Variants in SRGAP3 observed in about 807,000 individuals in gnomAD.
The protein encoded by SRGAP3 is SLIT-ROBO Rho GTPase activating protein 3, also known as SLIT-ROBO Rho GTPase-activating protein 3.
A neutral mutation model predicts 121.1 loss-of-function variants in SRGAP3; 39 were observed. The ratio of observed to expected loss-of-function variants is 0.32; its 90% CI spans 0.25 to 0.42. The LOEUF (loss-of-function observed/expected upper bound fraction) is 0.42, where lower values mean the gene tolerates loss of function less well. Among genes scored for constraint, SRGAP3 ranks in the 10% least tolerant of loss-of-function variants. The pLI is 1.00. For missense variants in SRGAP3, 1,213 were observed against 1,470.6 expected (o/e 0.82, Z 2.86); for synonymous variants, 601 against 570.0 (o/e 1.05, Z -0.77).
At chr3:9,286,687 T>C (rs35529769) in intron 3 of SRGAP3, among the ~76,000 whole-genome samples, 17,615 of 144,774 alleles carry the variant, frequency 0.12, 1,448 homozygotes, top group Non-Finnish European at 0.16. Context: ...ACTACAAGCT[T>C]CGCCTCCCGG....
chr3:9,323,698 T>C (rs751948724), intron 3 of SRGAP3, among the ~76,000 whole-genome samples: 5 of 151,596 alleles, frequency 3.3e-5, no homozygotes, highest in Admixed American at 6.6e-5. Context: ...AAGGTACAGA[T>C]GATAAAAAGT....
chr3:9,098,504 G>A (rs531168320), intron 3 of SRGAP3, among the ~76,000 whole-genome samples: 3 of 152,112 alleles, frequency 2.0e-5, no homozygotes, highest in South Asian at 2.1e-4. Flanking sequence ...GAGCTCAAGC[G>A]ATCCTCCCCC....
intron 21 of SRGAP3, among the ~76,000 whole-genome samples, chr3:8,989,431 T>G (rs1941909417): frequency 6.6e-6 from 1 of 152,250 alleles, no homozygotes; most frequent in African/African-American, 2.4e-5. Flanking sequence ...TTCTGTGTTG[T>G]GTATTCCCTG....
intron 1 of SRGAP3, among the ~76,000 whole-genome samples, chr3:9,130,161 C>T (rs1423717940): frequency 2.0e-5 from 3 of 152,146 alleles, no homozygotes; most frequent in Admixed American, 2.0e-4. Context: ...ATGGCACACA[C>T]ATTCACGCCA....
intron 1 of SRGAP3, among the ~76,000 whole-genome samples, chr3:9,360,988 T>A (rs1383433320): frequency 3.3e-5 from 5 of 152,358 alleles, no homozygotes; most frequent in Middle Eastern, 6.8e-3. Flanking sequence ...TTGATGAGTA[T>A]CCCATTGTGA....
chr3:9,256,698 G>T, intron 3 of SRGAP3: 1 of 396,828 alleles, frequency 2.5e-6, no homozygotes, highest in South Asian at 1.3e-4. Context: ...GAGGAAAAGT[G>T]ACTTAGCTGA....
chr3:9,309,440 G>A (rs1481512680), intron 3 of SRGAP3, among the ~76,000 whole-genome samples: 1 of 152,082 alleles, frequency 6.6e-6, no homozygotes, highest in Non-Finnish European at 1.5e-5. Flanking sequence ...CGGTTTGATT[G>A]CCATACCCAG....
At chr3:9,325,689 T>C (rs1955505963) in intron 3 of SRGAP3, among the ~76,000 whole-genome samples, 1 of 151,944 alleles carries the variant, frequency 6.6e-6, no homozygotes, top group Non-Finnish European at 1.5e-5. Context: ...TTAAGAGGTG[T>C]TTTGACTGAT....
intron 20 of SRGAP3, among the ~76,000 whole-genome samples, chr3:8,991,903 C>T (rs1305395535): frequency 6.6e-6 from 1 of 152,144 alleles, no homozygotes; most frequent in African/African-American, 2.4e-5. Flanking sequence ...AGAACAAGAA[C>T]AAAGGAGGTG....
At chr3:9,254,534 C>T (rs892785142), upstream of SRGAP3, among the ~76,000 whole-genome samples, 2 of 152,124 alleles carry the variant, frequency 1.3e-5, no homozygotes, top group African/African-American at 2.4e-5. Context: ...TGGCTCATGC[C>T]TGTAATCCCA....
At chr3:9,015,008 T>C (rs113238899) in intron 15 of SRGAP3, among the ~76,000 whole-genome samples, 2 of 152,114 alleles carry the variant, frequency 1.3e-5, no homozygotes, top group Non-Finnish European at 2.9e-5. Context: ...CCTGATTTTA[T>C]CCACAGAAAC....
chr3:9,186,379 A>C (rs1951595280), intron 1 of SRGAP3, among the ~76,000 whole-genome samples: 1 of 152,046 alleles, frequency 6.6e-6, no homozygotes, highest in Non-Finnish European at 1.5e-5. Flanking sequence ...ATCTTTCTTT[A>C]TTGTTACATT....
chr3:9,224,585 G>T (rs1055853985), intron 1 of SRGAP3, among the ~76,000 whole-genome samples: 5 of 152,098 alleles, frequency 3.3e-5, no homozygotes, highest in Admixed American at 3.3e-4. Context: ...TGGGAGAAAG[G>T]CCCCAAGAAA....
chr3:9,049,021 T>C (rs138672398), intron 9 of SRGAP3, among the ~76,000 whole-genome samples: 17 of 152,170 alleles, frequency 1.1e-4, no homozygotes, highest in African/African-American at 4.1e-4. Context: ...GAGGTAGATG[T>C]GCCTGCCCCA....
chr3:9,039,185 G>A (rs578911), intron 10 of SRGAP3, among the ~76,000 whole-genome samples: 50,473 of 152,006 alleles, frequency 0.33, 8,503 homozygotes, highest in East Asian at 0.5. Context: ...CTCAGTTCAC[G>A]ACTCCCTTCT....
chr3:9,050,611 A>C lies in SRGAP3; in HGVS notation c.1323+2416T>G, dbSNP rs971741521. Among the ~76,000 whole-genome samples the C allele has an allele frequency of 3.3e-5, 5 of 152,260 alleles. No individual in the cohort carries two copies. In the East Asian group the frequency reaches 9.6e-4, roughly 29 times the overall value. The stretch of plus-strand genomic sequence containing the variant: ...GGTTAGCAAACTAAGTATTAAGAAT[A>C]AACTATAACATCTGATGACCATTAG... On this transcript the variant is annotated intron_variant, in intron 9 of 21. Transcript: ENST00000383836.
chr3:9,105,045 C>T (rs1451820207), intron 2 of SRGAP3, among the ~76,000 whole-genome samples: 1 of 152,234 alleles, frequency 6.6e-6, no homozygotes, highest in Non-Finnish European at 1.5e-5. Context: ...GGGGCCAGAA[C>T]CCAGGTCTTT....
intron 1 of SRGAP3, among the ~76,000 whole-genome samples, chr3:9,134,722 C>T (rs1949579843): frequency 6.6e-6 from 1 of 152,142 alleles, no homozygotes; most frequent in Admixed American, 6.5e-5. Flanking sequence ...CCTCCTGTCT[C>T]CACTCTCAGT....
At chr3:9,119,893 T>C (rs1948941052) in intron 2 of SRGAP3, among the ~76,000 whole-genome samples, 1 of 152,222 alleles carries the variant, frequency 6.6e-6, no homozygotes, top group African/African-American at 2.4e-5. Context: ...GGCCCTCTGC[T>C]AGCTGAATAT....
Sources: gnomAD v4.1 joint callset for allele counts (sites outside exome capture counted in the v4.1 genomes callset) on GRCh38, gnomAD v4.1.1 for gene constraint, MANE v1.5 for transcripts, NCBI Gene and HGNC (gene_info 2026-07-23, HGNC 2026-07-21) for gene names.